The following DOCK8 variants were observed in gnomAD, a reference collection of about 807,000 sequenced individuals.
DOCK8 encodes dedicator of cytokinesis protein 8.
Under a neutral mutation model 245.6 loss-of-function variants are expected in DOCK8, and 141 were observed. The ratio of observed to expected loss-of-function variants is 0.57; its 90% CI spans 0.50 to 0.66. The LOEUF (loss-of-function observed/expected upper bound fraction) is 0.66. Ranked by LOEUF, DOCK8 falls within the 30% of genes least tolerant of loss-of-function variation. The pLI, the probability that DOCK8 is intolerant of heterozygous loss-of-function variation, is 0.00. For missense variants in DOCK8, 2,965 were observed against 2,603.4 expected (o/e 1.14, Z -3.02); for synonymous variants, 1,168 against 970.2 (o/e 1.20, Z -3.79).
chr9:463,542 A>T lies in DOCK8; in HGVS notation c.6094A>T (p.Lys2032Ter). The T allele has an allele frequency of 6.2e-7, 1 of 1,614,264 alleles. No individual in the cohort carries two copies. The highest frequency in any genetic ancestry group is 8.5e-7 in the Non-Finnish European group (1 of 1,180,044). Residue 2032 changes from lysine to a stop codon, truncating the protein, a stop_gained, in exon 47 of 48, where the codon AAG (lysine) becomes TAG (stop). Transcript: ENST00000432829. LOFTEE classifies it high-confidence loss of function. ...ATGTGGTGAAGCTGTAGAGAAAAACAAGCGTCTCATCACGGCAGACCAGAG... is the reference window on the plus strand; with the variant it reads ...ATGTGGTGAAGCTGTAGAGAAAAACTAGCGTCTCATCACGGCAGACCAGAG... Reference protein sequence around the residue: ...MRCGEAVEKNKRLITADQREY... With the variant: ...MRCGEAVEKN
At chr9:448,353 C>G (rs1179098126) in intron 44 of DOCK8, among the ~76,000 whole-genome samples, 1 of 152,158 alleles carries the variant, frequency 6.6e-6, no homozygotes, top group Non-Finnish European at 1.5e-5. Flanking sequence ...AACGATCCTC[C>G]TACCTCAGCC....
chr9:318,829 G>C (rs2050460154), intron 7 of DOCK8, among the ~76,000 whole-genome samples: 1 of 152,204 alleles, frequency 6.6e-6, no homozygotes, highest in Admixed American at 6.5e-5. Context: ...TGCCCCGACA[G>C]GATGCATCAT....
intron 1 of DOCK8, among the ~76,000 whole-genome samples, chr9:266,202 C>T (rs2048031640): frequency 6.6e-6 from 1 of 152,154 alleles, no homozygotes; most frequent in Non-Finnish European, 1.5e-5. Flanking sequence ...GTAACGCCTT[C>T]CTCTTTGCTA....
At chr9:295,289 G>C (rs1184371880) in intron 4 of DOCK8, among the ~76,000 whole-genome samples, 1 of 152,190 alleles carries the variant, frequency 6.6e-6, no homozygotes, top group Non-Finnish European at 1.5e-5. Flanking sequence ...TGGGAGTGGG[G>C]AAGAGGGCTG....
intron 8 of DOCK8, among the ~76,000 whole-genome samples, 166 bp downstream of exon 8, chr9:325,903 G>A (rs2050745803): frequency 6.6e-6 from 1 of 152,222 alleles, no homozygotes; most frequent in Admixed American, 6.5e-5. Context: ...GCAGTGGTCT[G>A]AGAATGTAAT....
chr9:352,028 G>A (rs2052195040), intron 14 of DOCK8, among the ~76,000 whole-genome samples: 1 of 152,204 alleles, frequency 6.6e-6, no homozygotes, highest in South Asian at 2.1e-4. Flanking sequence ...GCATGTGGCA[G>A]TTTGGAGAAG....
intron 1 of DOCK8, among the ~76,000 whole-genome samples, chr9:244,314 A>G (rs111630808): frequency 4.0e-4 from 61 of 152,040 alleles, no homozygotes; most frequent in African/African-American, 1.4e-3. Flanking sequence ...ATATACTGAA[A>G]CGAAACCATA....
chr9:355,211 T>TCC (rs1563957155), intron 14 of DOCK8, among the ~76,000 whole-genome samples: 1 of 127,382 alleles, frequency 7.9e-6, no homozygotes, highest in Non-Finnish European at 1.6e-5. Flanking sequence ...TTTTTTTTTT[T>TCC]TTTTTTTTTT....
At chr9:287,972 G>A (rs977988622) in intron 3 of DOCK8, among the ~76,000 whole-genome samples, 4 of 151,920 alleles carry the variant, frequency 2.6e-5, no homozygotes, top group Non-Finnish European at 5.9e-5. Context: ...CCAGGAATTT[G>A]AGTTCAGCCT....
intron 1 of DOCK8, among the ~76,000 whole-genome samples, chr9:222,974 A>G (rs183404921): frequency 6.6e-6 from 1 of 152,320 alleles, no homozygotes; most frequent in Non-Finnish European, 1.5e-5. Context: ...TCCAGATTAC[A>G]TAACTCATTG....
At chr9:326,341 A>C (rs551805091) in intron 8 of DOCK8, among the ~76,000 whole-genome samples, 100 of 152,302 alleles carry the variant, frequency 6.6e-4, no homozygotes, top group Non-Finnish European at 1.1e-3. Context: ...CTCCTGCATA[A>C]ATATTAATAA....
chr9:461,064 T>C (rs1022449911), intron 46 of DOCK8, among the ~76,000 whole-genome samples: 1 of 152,246 alleles, frequency 6.6e-6, no homozygotes. Context: ...CAAAACTTCA[T>C]CATGTTTAAA....
At chr9:452,353 T>C (rs2057495919) in intron 46 of DOCK8, 1 of 336,366 alleles carries the variant, frequency 3.0e-6, no homozygotes, top group Non-Finnish European at 5.6e-6. Context: ...AGAGCAACAC[T>C]ACTTGAACTA....
At chr9:338,714 G>C (rs150698148) in intron 12 of DOCK8, among the ~76,000 whole-genome samples, 1 of 152,020 alleles carries the variant, frequency 6.6e-6, no homozygotes, top group South Asian at 2.1e-4. Flanking sequence ...GAGAGTTATC[G>C]GGGGGAAGCT....
intron 15 of DOCK8, chr9:369,836 C>T (rs1435945498): frequency 4.0e-6 from 1 of 246,940 alleles, no homozygotes; most frequent in Admixed American, 5.1e-5. Context: ...CAGGATCTCA[C>T]TCTTGCCCAG....
chr9:356,652 T>G (rs575834893), intron 14 of DOCK8, among the ~76,000 whole-genome samples: 1 of 152,306 alleles, frequency 6.6e-6, no homozygotes, highest in East Asian at 1.9e-4. Context: ...AGTCAGTGAT[T>G]ACCCTATCCT....
intron 1 of DOCK8, among the ~76,000 whole-genome samples, chr9:241,513 G>A (rs535101026): frequency 6.6e-6 from 1 of 152,114 alleles, no homozygotes; most frequent in Non-Finnish European, 1.5e-5. Flanking sequence ...TATTTCACTT[G>A]GTGTAATGTC....
At chr9:438,489 T>G (rs1269767464) in intron 39 of DOCK8, among the ~76,000 whole-genome samples, 1 of 152,214 alleles carries the variant, frequency 6.6e-6, no homozygotes, top group East Asian at 1.9e-4. Context: ...CTGTCACATA[T>G]TCACTGCCAG....
intron 7 of DOCK8, among the ~76,000 whole-genome samples, chr9:319,112 T>C (rs1037682778): frequency 6.6e-6 from 1 of 152,090 alleles, no homozygotes; most frequent in Non-Finnish European, 1.5e-5. Context: ...GCCTGGGCAA[T>C]ATAGTGAGAC....
Sources: allele counts gnomAD v4.1 joint callset (sites outside exome capture counted in the v4.1 genomes callset), GRCh38; gene constraint gnomAD v4.1.1; transcripts MANE v1.5; gene names NCBI Gene and HGNC (gene_info 2026-07-23, HGNC 2026-07-21).